The following B3GNT6 variants were observed in gnomAD, a reference collection of about 807,000 sequenced individuals.
The protein encoded by B3GNT6 is acetylgalactosaminyl-O-glycosyl-glycoprotein beta-1,3-N-acetylglucosaminyltransferase.
For missense variants in B3GNT6, 624 were observed against 568.6 expected, an observed-to-expected ratio of 1.10 and a Z score of -0.99; for synonymous variants, 300 against 270.0, an observed-to-expected ratio of 1.11 and a Z score of -1.09.
chr11:77,038,398 GAAAAA>G (rs372967129), intron 1 of B3GNT6, among the ~76,000 whole-genome samples: 2 of 131,332 alleles, frequency 1.5e-5, no homozygotes, highest in African/African-American at 5.8e-5. Context: ...CGTCTCTACA[GAAAAA>G]AAAAAAAAAA....
rs1555027467 is a variant in B3GNT6 at position 77,039,832 on chromosome 11, G to C, written c.281G>C (p.Arg94Pro). ...CCCGCGCGCATCCAGGACTTCCTGC[G>C]GTACCGCCACTGCCGCCACTTCCCG... Reference protein sequence around the residue: ...QLPARIQDFLRYRHCRHFPLL... With the variant: ...QLPARIQDFLPYRHCRHFPLL... The change falls in exon 2 of 2, where the codon CGG becomes CCG. Residue 94 changes from arginine to proline, a missense_variant. Coordinates refer to ENST00000622824, the MANE Select transcript of B3GNT6 (RefSeq NM_138706.5). The C allele has an allele frequency of 1.3e-6, 2 of 1,574,776 alleles. No individual in the cohort carries two copies. The highest frequency in any genetic ancestry group is 2.3e-5 in the East Asian group (1 of 43,170).
chr11:77,037,264 T>G (rs1194509458), intron 1 of B3GNT6: 1 of 152,048 alleles, frequency 6.6e-6, no homozygotes, highest in African/African-American at 2.4e-5. Context: ...GAATGTTAGT[T>G]TGGATCAACC....
Position 77,040,069 on chromosome 11 carries a change from A to T in B3GNT6, c.518A>T (p.Glu173Val). Residue 173 changes from glutamate to valine, a missense_variant, in exon 2 of 2, where the codon GAG becomes GTG. Transcript: ENST00000622824. ...EDEARAERLA[E>V]LVALEAREHG... Reference sequence around the variant, plus strand: ...GAGGCGCGCGCGGAGCGGCTGGCGGAGCTGGTGGCGCTGGAGGCGCGCGAG... The same window carrying T: ...GAGGCGCGCGCGGAGCGGCTGGCGGTGCTGGTGGCGCTGGAGGCGCGCGAG... 3.2e-6 allele frequency: 5 copies of T among 1,576,984 alleles called. No individual in the cohort carries two copies. The highest frequency in any genetic ancestry group is 4.3e-6 in the Non-Finnish European group (5 of 1,171,574).
rs544159195 is a variant in B3GNT6 at position 77,040,719 on chromosome 11, G to A, written c.*13G>A. On this transcript the variant is annotated 3_prime_UTR_variant, in exon 2 of 2. Transcript: ENST00000622824. ...CCGGGTCTCCTGAGGCCAGTTGGGC[G>A]GCTTCAGCCCCGGGCCTCCAACCAT... The A allele has an allele frequency of 4.6e-5, 72 of 1,551,568 alleles. No homozygotes were observed. In the South Asian group the frequency reaches 8.2e-4, roughly 18 times the overall value.
chr11:77,038,544 C>G (rs558940491), intron 1 of B3GNT6, among the ~76,000 whole-genome samples: 2 of 152,202 alleles, frequency 1.3e-5, no homozygotes, highest in South Asian at 4.1e-4. Context: ...TCACTGCACT[C>G]CAGCCTGGGT....
chr11:77,034,672 A>G (rs548053005), intron 1 of B3GNT6, among the ~76,000 whole-genome samples, 194 bp downstream of exon 1: 15 of 152,210 alleles, frequency 9.9e-5, no homozygotes, highest in Admixed American at 5.2e-4. Flanking sequence ...GGTTGGGGCC[A>G]AGGCCCTAAT....
intron 1 of B3GNT6, among the ~76,000 whole-genome samples, chr11:77,035,977 C>T (rs995099395): frequency 2.0e-5 from 3 of 152,158 alleles, no homozygotes; most frequent in Non-Finnish European, 4.4e-5. Flanking sequence ...TTGTGTAGCA[C>T]GTTAACATAA....
chr11:77,035,690 T>C (rs185959784), intron 1 of B3GNT6, among the ~76,000 whole-genome samples: 20 of 152,190 alleles, frequency 1.3e-4, no homozygotes, highest in Admixed American at 3.3e-4. Flanking sequence ...AAAAGAACCA[T>C]AGAGAGAAAT....
rs781837961 is a variant in B3GNT6 at position 77,039,725 on chromosome 11, C to G, written c.174C>G (p.Asp58Glu). 4.4e-6 allele frequency: 7 copies of G among 1,605,360 alleles called. No individual in the cohort carries two copies. The South Asian group carries it at 5.5e-5, about 13-fold the overall frequency. The part of the protein sequence containing the change: ...PEGPTDAPAA[D>E]EPPSELVPGP... ...GTCCCACCGACGCTCCCGCGGCTGA[C>G]GAGCCGCCCTCGGAGCTCGTCCCCG... The change falls in exon 2 of 2, where the codon GAC becomes GAG. Residue 58 changes from aspartate to glutamate, a missense_variant. Coordinates refer to ENST00000622824, the MANE Select transcript of B3GNT6 (RefSeq NM_138706.5).
At position 77,041,629 on chromosome 11, in the gene B3GNT6, G is replaced by A. The variant is rs1436792978; in HGVS notation, c.*923G>A. The A allele has an allele frequency of 2.0e-5, 3 of 152,446 alleles. No individual in the cohort carries two copies. The highest frequency in any genetic ancestry group is 2.4e-5 in the African/African-American group (1 of 41,448). 9.4% of individuals were successfully genotyped at this position (152,446 alleles called of 1,614,324 possible). A position where few individuals can be genotyped will look rare whatever the true frequency, so the allele number is the denominator to read the frequency against. On this transcript the variant is annotated 3_prime_UTR_variant, in exon 2 of 2. Coordinates refer to ENST00000622824, the MANE Select transcript of B3GNT6 (RefSeq NM_138706.5). ...GAGGCAGGTGTGTAGAATTGTGTTC[G>A]GGAGGTGGGGGATCTGAGACCGAAG...
chr11:77,039,958 T>G lies in B3GNT6; in HGVS notation c.407T>G (p.Ile136Ser). Residue 136 changes from isoleucine to serine, a missense_variant, in exon 2 of 2, where the codon ATC (isoleucine) becomes AGC (serine). By Grantham distance (142) the Ile-to-Ser change is moderately radical. Transcript: ENST00000622824. ...APEHYERREL[I>S]RRTWGQERSY... ...GAGCACTACGAGCGACGCGAGCTCA[T>G]CCGGCGCACGTGGGGGCAAGAGCGC... is the stretch of plus-strand genomic sequence containing the variant. 6.3e-7 allele frequency: 1 copy of G among 1,591,286 alleles called. No homozygotes were observed. Among genetic ancestry groups the G allele is most frequent in the African/African-American group, 1.3e-5 (1 of 74,100 alleles).
At chr11:77,037,997 AGGG>A (rs1949647646) in intron 1 of B3GNT6, among the ~76,000 whole-genome samples, 1 of 8,270 alleles carries the variant, frequency 1.2e-4, no homozygotes, top group Non-Finnish European at 2.1e-4. Flanking sequence ...AGGGAGGAGG[AGGG>A]GGAGGAGGGG....
At position 77,038,539 on chromosome 11, in the gene B3GNT6, G is replaced by C. The variant is rs189528631; in HGVS notation, c.1-1013G>C. 1.3e-3 allele frequency among the ~76,000 whole-genome samples: 192 copies of C among 152,196 alleles called. 2 individuals are homozygous for C. Among genetic ancestry groups the C allele is most frequent in the African/African-American group, 4.1e-3 (172 of 41,510 alleles). ...TGCAGTGAGTCATGATGGTGTCACTGCACTCCAGCCTGGGTGACACAGCAA... is the reference window on the plus strand; with the variant it reads ...TGCAGTGAGTCATGATGGTGTCACTCCACTCCAGCCTGGGTGACACAGCAA... On this transcript the variant is annotated intron_variant, in intron 1 of 1. Transcript: ENST00000622824.
At chr11:77,038,392 T>C (rs1445172825) in intron 1 of B3GNT6, among the ~76,000 whole-genome samples, 2 of 73,626 alleles carry the variant, frequency 2.7e-5, no homozygotes, top group South Asian at 4.6e-4. Flanking sequence ...GGAACCCGTC[T>C]CTACAGAAAA....
At chr11:77,036,818 A>G (rs1452043395) in intron 1 of B3GNT6, among the ~76,000 whole-genome samples, 1 of 152,192 alleles carries the variant, frequency 6.6e-6, no homozygotes, top group Non-Finnish European at 1.5e-5. Flanking sequence ...AACGGTGAAG[A>G]CTGGTGTGAT....
chr11:77,040,657 C>A lies in B3GNT6; in HGVS notation c.1106C>A (p.Ala369Glu). 1 of 1,600,354 alleles carries A rather than the reference C, an allele frequency of 6.2e-7. No individual in the cohort carries two copies. Among genetic ancestry groups the A allele is most frequent in the Non-Finnish European group, 8.5e-7 (1 of 1,178,784 alleles). The stretch of plus-strand genomic sequence containing the variant: ...TACGAGATGCTGCTCATGTGGAAGG[C>A]GCTGCACAGCCCCGCGCTCAGCTGT... Reference protein sequence around the residue: ...APYEMLLMWKALHSPALSCDR... With the variant: ...APYEMLLMWKELHSPALSCDR... The change falls in exon 2 of 2, where the codon GCG (alanine) becomes GAG (glutamate). Residue 369 changes from alanine (A) to glutamate (E), a missense_variant. Ala to Glu is a moderately radical substitution (Grantham distance 107). Coordinates refer to ENST00000622824, the MANE Select transcript of B3GNT6 (RefSeq NM_138706.5).
Position 77,039,638 on chromosome 11 carries a change from G to A in B3GNT6, c.87G>A (p.Trp29Ter). ...VGVSFLALQQWFLQAPRSPRE... is the reference protein window; with the variant it reads ...VGVSFLALQQ ...TGAGTTTCTTAGCACTGCAGCAGTGGTTCCTCCAGGCGCCAAGGTCCCCGC... is the reference window on the plus strand; with the variant it reads ...TGAGTTTCTTAGCACTGCAGCAGTGATTCCTCCAGGCGCCAAGGTCCCCGC... Residue 29 changes from tryptophan (W) to a stop codon, truncating the protein, a stop_gained, in exon 2 of 2, where the codon TGG becomes TGA. Coordinates refer to ENST00000622824, the MANE Select transcript of B3GNT6 (RefSeq NM_138706.5). LOFTEE classifies it low-confidence loss of function (END_TRUNC). 1 of 1,613,178 alleles carries A rather than the reference G, an allele frequency of 6.2e-7. No homozygotes were observed.
intron 1 of B3GNT6, among the ~76,000 whole-genome samples, chr11:77,037,459 A>G: frequency 6.6e-6 from 1 of 152,108 alleles, no homozygotes; most frequent in East Asian, 1.9e-4. Context: ...GTAGCATCCA[A>G]GGTGGCTGTG....
rs1555027382 is a variant in B3GNT6, at chr11:77,039,601, T to TCC, written c.51_52dup (p.Leu18ProfsTer5). On this transcript the variant is annotated frameshift_variant, in exon 2 of 2. Coordinates refer to ENST00000622824, the MANE Select transcript of B3GNT6 (RefSeq NM_138706.5). LOFTEE classifies it low-confidence loss of function (END_TRUNC). ...CTGACTGCCAAGACTCTGGCCTGCCTCCTGGTGGGCGTGAGTTTCTTAGCA... is the reference window on the plus strand; with the variant it reads ...CTGACTGCCAAGACTCTGGCCTGCCTCCCCTGGTGGGCGTGAGTTTCTTAGCA... 4 of 1,609,798 alleles carry TCC rather than the reference T, an allele frequency of 2.5e-6. No homozygotes were observed. In the African/African-American group the frequency reaches 5.4e-5, roughly 22 times the overall value.
Sources: gnomAD v4.1 joint callset for allele counts (sites outside exome capture counted in the v4.1 genomes callset) on GRCh38, gnomAD v4.1.1 for gene constraint, MANE v1.5 for transcripts, NCBI Gene and HGNC (gene_info 2026-07-23, HGNC 2026-07-21) for gene names.